Variants in STAB1 observed in about 807,000 individuals in gnomAD.
STAB1 encodes the protein stabilin-1.
STAB1 carries 250 observed loss-of-function variants against 332.4 expected under a neutral mutation model. That is an observed-to-expected ratio of 0.75 (90% CI 0.68 to 0.84). STAB1 has a LOEUF of 0.84. STAB1 is among the 40% of genes least tolerant of loss of function. STAB1 has a pLI of 0.00. For missense variants in STAB1, 3,249 were observed against 3,489.7 expected (o/e 0.93, Z 1.74); for synonymous variants, 1,475 against 1,390.4 (o/e 1.06, Z -1.35).
chr3:52,516,914 C>G, intron 41 of STAB1, 70 bp from the exon 42 acceptor site: 1 of 1,602,392 alleles, frequency 6.2e-7, no homozygotes, highest in Non-Finnish European at 8.5e-7. Flanking sequence ...CTTTCTCTCA[C>G]GCCCTCCTCT....
intron 11 of STAB1, 89 bp from the exon 12 acceptor site, chr3:52,504,650 A>G: frequency 6.2e-7 from 1 of 1,611,974 alleles, no homozygotes; most frequent in Non-Finnish European, 8.5e-7. Context: ...AGGGCCTGGG[A>G]TGCATCCTGT....
At chr3:52,517,192 G>A in intron 42 of STAB1, 83 bp downstream of exon 42, 1 of 1,506,864 alleles carries the variant, frequency 6.6e-7, no homozygotes, top group Admixed American at 2.3e-5. Flanking sequence ...AAGGGCTGAA[G>A]GGGCACATGG....
At chr3:52,504,613 A>C (rs1578367690) in intron 11 of STAB1, 64 bp downstream of exon 11, 1 of 1,611,460 alleles carries the variant, frequency 6.2e-7, no homozygotes, top group South Asian at 1.1e-5. Context: ...ATGCATCCCC[A>C]GTCTTCAGGG....
intron 36 of STAB1, among the ~76,000 whole-genome samples, 187 bp from the exon 37 acceptor site, chr3:52,515,236 C>T (rs2078819800): frequency 6.6e-6 from 1 of 152,200 alleles, no homozygotes; most frequent in Non-Finnish European, 1.5e-5. Flanking sequence ...CTCTCTCAGA[C>T]TTGCGGCCCG....
chr3:52,509,102 A>T, intron 21 of STAB1, 108 bp from the exon 22 acceptor site: 1 of 965,710 alleles, frequency 1.0e-6, no homozygotes, highest in Non-Finnish European at 1.5e-6. Flanking sequence ...ATGAGCTCTC[A>T]CGGGTAGCAA....
chr3:52,510,396 C>A lies in STAB1; in HGVS notation c.2676C>A (p.His892Gln). The A allele has an allele frequency of 6.2e-7, 1 of 1,614,092 alleles. No individual in the cohort carries two copies. The highest frequency in any genetic ancestry group is 8.5e-7 in the Non-Finnish European group (1 of 1,180,044). ...GSLGTHHCTC[H>Q]KGWSGDGRVC... The stretch of plus-strand genomic sequence containing the variant: ...TGGGCACCCACCACTGCACATGCCA[C>A]AAAGGCTGGAGTGGGGATGGCCGCG... The change falls in exon 25 of 69, where the codon CAC becomes CAA. Residue 892 changes from histidine (H) to glutamine (Q), a missense_variant. Transcript: ENST00000321725.
At chr3:52,513,639 GTC>G (rs1424379891) in intron 30 of STAB1, 76 bp from the exon 31 acceptor site, 2 of 1,456,086 alleles carry the variant, frequency 1.4e-6, no homozygotes, top group African/African-American at 1.4e-5. Context: ...GTGCCTGGCA[GTC>G]TCTCTGTTGG....
intron 16 of STAB1, 87 bp downstream of exon 16, chr3:52,506,023 C>A: frequency 6.4e-7 from 1 of 1,552,468 alleles, no homozygotes; most frequent in African/African-American, 1.4e-5. Context: ...CCCATCTCTT[C>A]TCCATCTCCC....
At chr3:52,500,049 G>A (rs1247293082) in intron 1 of STAB1, among the ~76,000 whole-genome samples, 1 of 152,002 alleles carries the variant, frequency 6.6e-6, no homozygotes, top group Non-Finnish European at 1.5e-5. Context: ...CTCCAGCCAG[G>A]GCGACACAGC....
intron 17 of STAB1, 38 bp from the exon 18 acceptor site, chr3:52,506,654 G>A: frequency 1.3e-6 from 2 of 1,574,586 alleles, no homozygotes; most frequent in African/African-American, 1.3e-5. Flanking sequence ...GCCAAGGCCA[G>A]CCAGGCTGGG....
intron 1 of STAB1, among the ~76,000 whole-genome samples, chr3:52,497,900 G>T (rs1708161822): frequency 6.6e-6 from 1 of 152,174 alleles, no homozygotes; most frequent in Non-Finnish European, 1.5e-5. Context: ...ATGGGTTTGG[G>T]CAGCGAGGCA....
Position 52,524,343 on chromosome 3 carries a change from TCA to T in STAB1, c.7703_7704del (p.Thr2568SerfsTer?). On this transcript the variant is annotated frameshift_variant, in exon 69 of 69. Transcript: ENST00000321725. LOFTEE classifies it high-confidence loss of function. ...GACTTCCCTGACACCCAGAGGATCC[TCA>T]CAGTCAAGTGACGAGGCTGGGGCTG... 6.2e-7 allele frequency: 1 copy of T among 1,613,832 alleles called. No homozygotes were observed. Among genetic ancestry groups the T allele is most frequent in the Non-Finnish European group, 8.5e-7 (1 of 1,180,000 alleles).
chr3:52,518,118 G>A (rs548077949), intron 45 of STAB1, 115 bp downstream of exon 45: 451 of 1,513,938 alleles, frequency 3.0e-4, no homozygotes, highest in Non-Finnish European at 3.7e-4. Flanking sequence ...CCATGACACT[G>A]AGCCTGACCC....
chr3:52,497,771 T>A (rs964417879), intron 1 of STAB1, among the ~76,000 whole-genome samples: 1 of 152,068 alleles, frequency 6.6e-6, no homozygotes, highest in South Asian at 2.1e-4. Context: ...CTGAGGAGGG[T>A]CCTGGAACCA....
In STAB1 at chr3:52,505,874, C is replaced by T; in HGVS notation, c.1696-9C>T. 1.2e-6 allele frequency: 2 copies of T among 1,614,014 alleles called. No individual in the cohort carries two copies. Among genetic ancestry groups the T allele is most frequent in the Admixed American group, 1.7e-5 (1 of 60,014 alleles). On this transcript the variant is annotated splice_polypyrimidine_tract_variant and intron_variant, in intron 15 of 68. Transcript: ENST00000321725. ...CTCCAGGAGCCAAACCCTCTCTCTC[C>T]CCTGCCAGGGTCTCTCTAAACTGCA...
At chr3:52,509,090 G>A (rs899991335) in intron 21 of STAB1, 120 bp from the exon 22 acceptor site, 127 of 864,104 alleles carry the variant, frequency 1.5e-4, no homozygotes, top group Non-Finnish European at 2.0e-4. Flanking sequence ...ATCCCTTCCA[G>A]GATGAGCTCT....
Position 52,502,205 on chromosome 3 carries a change from G to T in STAB1, c.464G>T (p.Arg155Leu). The T allele has an allele frequency of 6.2e-7, 1 of 1,612,942 alleles. No homozygotes were observed. Among genetic ancestry groups the T allele is most frequent in the Non-Finnish European group, 8.5e-7 (1 of 1,179,996 alleles). Residue 155 changes from arginine to leucine, a missense_variant, in exon 5 of 69, where the codon CGG (arginine) becomes CTG (leucine). By Grantham distance (102) the Arg-to-Leu change is moderately radical. Transcript: ENST00000321725. ...TGCCAGGAGTGCCAAGACCCCAACC[G>T]GTTCGGGCCTGACTGCCAATCGGGT... is the stretch of plus-strand genomic sequence containing the variant. The part of the protein sequence containing the change: ...SACQECQDPN[R>L]FGPDCQSVCS...
At chr3:52,497,794 C>G (rs1478814288) in intron 1 of STAB1, among the ~76,000 whole-genome samples, 1 of 152,104 alleles carries the variant, frequency 6.6e-6, no homozygotes. Flanking sequence ...CCCCCATAGA[C>G]ACCAAGGAAC....
In STAB1 at chr3:52,510,180, C is replaced by T. The variant is rs748774035; in HGVS notation, c.2573C>T (p.Ser858Phe). The T allele has an allele frequency of 2.9e-5, 46 of 1,614,006 alleles. No homozygotes were observed. The highest frequency in any genetic ancestry group is 3.7e-5 in the Non-Finnish European group (44 of 1,180,016). ...CLDGFEGDGF[S>F]CTPSNPCSHP... ...GATGGCTTTGAGGGTGATGGCTTCT[C>T]CTGCACACCTAGCAACCCCTGCTCC... The change falls in exon 24 of 69, where the codon TCC becomes TTC. Residue 858 changes from serine (S) to phenylalanine (F), a missense_variant. By Grantham distance (155) the Ser-to-Phe change is radical. Coordinates refer to ENST00000321725, the MANE Select transcript of STAB1 (RefSeq NM_015136.3).
Sources: gnomAD v4.1 joint callset for allele counts (sites outside exome capture counted in the v4.1 genomes callset) on GRCh38, gnomAD v4.1.1 for gene constraint, MANE v1.5 for transcripts, NCBI Gene and HGNC (gene_info 2026-07-23, HGNC 2026-07-21) for gene names.